MICAL2: variants seen among roughly 807,000 people sequenced by gnomAD.
The protein encoded by MICAL2 is microtubule associated monooxygenase, calponin and LIM domain containing 2, also known as [F-actin]-monooxygenase MICAL2.
MICAL2 carries 77 observed loss-of-function variants against 127.3 expected under a neutral mutation model. The ratio of observed to expected loss-of-function variants is 0.60; its 90% CI spans 0.50 to 0.73. The LOEUF (loss-of-function observed/expected upper bound fraction) is 0.73. Among genes scored for constraint, MICAL2 ranks in the 30% least tolerant of loss-of-function variants. The probability of loss-of-function intolerance (pLI) is 0.00; values close to 1 mark genes in which losing one functional copy is unlikely to be tolerated. For missense variants in MICAL2, 1,351 were observed against 1,434.4 expected, an observed-to-expected ratio of 0.94 and a Z score of 0.94; for synonymous variants, 570 against 551.1, an observed-to-expected ratio of 1.03 and a Z score of -0.48.
intron 17 of MICAL2, among the ~76,000 whole-genome samples, chr11:12,240,004 G>T (rs17388866): frequency 0.018 from 2,798 of 152,316 alleles, 35 homozygotes; most frequent in Non-Finnish European, 0.029. Context: ...CAGTTTTGAG[G>T]TGATACAGTT....
chr11:12,168,275 A>T (rs781590766), intron 3 of MICAL2, among the ~76,000 whole-genome samples: 59 of 151,574 alleles, frequency 3.9e-4, no homozygotes, highest in Admixed American at 7.2e-4. Flanking sequence ...CATATACACC[A>T]CACACATACA....
At chr11:12,229,806 TG>T (rs1857973452) in intron 15 of MICAL2, among the ~76,000 whole-genome samples, 2 of 152,250 alleles carry the variant, frequency 1.3e-5, no homozygotes, top group East Asian at 3.8e-4. Context: ...AGCCCAATTC[TG>T]GCCCCTTTTG....
At chr11:12,162,442 T>A in intron 3 of MICAL2, 23 bp downstream of exon 3, 1 of 1,611,800 alleles carries the variant, frequency 6.2e-7, no homozygotes, top group Non-Finnish European at 8.5e-7. Context: ...CCTCCTAGTC[T>A]TACCTTTGCA....
chr11:12,218,627 G>A (rs568360601), intron 8 of MICAL2, among the ~76,000 whole-genome samples: 15 of 152,158 alleles, frequency 9.9e-5, no homozygotes, highest in South Asian at 2.1e-4. Context: ...TCATGTGACC[G>A]CGGAAACAGG....
At chr11:12,161,421 G>C (rs1854774690) in intron 2 of MICAL2, 1 of 152,264 alleles carries the variant, frequency 6.6e-6, no homozygotes, top group African/African-American at 2.4e-5. Context: ...GTCTCTGTCT[G>C]TCTGTCTGTG....
At chr11:12,115,757 T>C (rs939644754) in intron 1 of MICAL2, among the ~76,000 whole-genome samples, 1 of 152,228 alleles carries the variant, frequency 6.6e-6, no homozygotes, top group Admixed American at 6.5e-5. Context: ...AAATATTTTA[T>C]GTTTATAAAG....
Position 12,112,539 on chromosome 11 carries a change from G to A in MICAL2, c.-149+1813G>A, listed in dbSNP as rs182971268. ...CCTTAGGACTGATTCTAGTTTCGTG[G>A]GGCTTTTGGGGGTGGGGGGGCAGGT... On this transcript the variant is annotated intron_variant, in intron 1 of 27. Transcript: ENST00000683283. Among the ~76,000 whole-genome samples, 165 of 151,840 alleles carry A rather than the reference G, an allele frequency of 1.1e-3. 1 individual carries two copies. The highest frequency in any genetic ancestry group is 3.4e-3 in the African/African-American group (141 of 41,382).
At chr11:12,285,692 CA>C (rs1340629725) in intron 2 of MICAL2, among the ~76,000 whole-genome samples, 1 of 152,160 alleles carries the variant, frequency 6.6e-6, no homozygotes, top group Admixed American at 6.5e-5. Flanking sequence ...GGAAAGCCCC[CA>C]GGTAGTAATT....
At position 12,216,338 on chromosome 11, in the gene MICAL2, C is replaced by T. The variant is rs374853377; in HGVS notation, c.948+19C>T. On this transcript the variant is annotated intron_variant, in intron 8 of 27. Coordinates refer to ENST00000683283, the MANE Select transcript of MICAL2 (RefSeq NM_001282663.2). ...CATTAACGTACGTACCTCTTGGCTGCGATTTCCCGACTTCGCGACCTGGGC... is the reference window on the plus strand; with the variant it reads ...CATTAACGTACGTACCTCTTGGCTGTGATTTCCCGACTTCGCGACCTGGGC... 8.2e-6 allele frequency: 13 copies of T among 1,593,090 alleles called. No individual in the cohort carries two copies. Among genetic ancestry groups the T allele is most frequent in the East Asian group, 2.2e-5 (1 of 44,776 alleles).
At chr11:12,280,982 C>A in exon 2 of MICAL2, 1 of 399,146 alleles carries the variant, frequency 2.5e-6, no homozygotes, top group Non-Finnish European at 4.4e-6. Context: ...CCACACAGAA[C>A]CCTGTGAAGA....
intron 15 of MICAL2, among the ~76,000 whole-genome samples, chr11:12,230,324 A>T (rs1858069821): frequency 6.6e-6 from 1 of 152,190 alleles, no homozygotes; most frequent in Non-Finnish European, 1.5e-5. Flanking sequence ...AAATCCATAC[A>T]CAATTACACA....
chr11:12,326,837 C>T (rs566165070), intron 31 of MICAL2, among the ~76,000 whole-genome samples: 6 of 152,320 alleles, frequency 3.9e-5, no homozygotes, highest in South Asian at 2.1e-4. Context: ...CATTATGCCA[C>T]GGCCATAGTT....
chr11:12,245,886 G>A (rs1860670347), intron 21 of MICAL2, among the ~76,000 whole-genome samples: 1 of 152,244 alleles, frequency 6.6e-6, no homozygotes, highest in African/African-American at 2.4e-5. Flanking sequence ...GCAGGATGGT[G>A]GGAGGGGAGA....
intron 32 of MICAL2, among the ~76,000 whole-genome samples, chr11:12,339,989 A>G (rs912731419): frequency 1.3e-5 from 2 of 152,168 alleles, no homozygotes; most frequent in Non-Finnish European, 2.9e-5. Context: ...GGAAATGCAG[A>G]AATCACCCAT....
intron 3 of MICAL2, among the ~76,000 whole-genome samples, chr11:12,171,571 G>A (rs553436360): frequency 1.3e-5 from 2 of 152,340 alleles, no homozygotes; most frequent in East Asian, 1.9e-4. Flanking sequence ...TCAGCCTCCT[G>A]CCACAGGGAA....
Position 12,348,573 on chromosome 11 carries a change from GA to G in MICAL2, c.5516-1261del, listed in dbSNP as rs541620421. Among the ~76,000 whole-genome samples the G allele has an allele frequency of 8.9e-3, 1,355 of 152,318 alleles. 10 individuals carry two copies. Among genetic ancestry groups the G allele is most frequent in the Non-Finnish European group, 0.015 (1,021 of 68,036 alleles). ...AACAAGGTGGTCCAGGAGACACAGA[GA>G]AAAGGGAACTAATTTTTATGGATTT... On this transcript the variant is annotated intron_variant, in intron 32 of 34. Transcript: ENST00000646065.
In MICAL2 at chr11:12,261,710, A is replaced by G. The variant is rs1057505523; in HGVS notation, c.3335-770A>G. 6.1e-6 allele frequency: 6 copies of G among 985,284 alleles called. No individual in the cohort carries two copies. In the South Asian group the frequency reaches 1.4e-4, roughly 23 times the overall value. 61.0% of individuals were successfully genotyped at this position (985,284 alleles called of 1,614,324 possible). ...CGGGAAGAAGGAGGTGCATTTCTAC[A>G]AACACTTCCCTGAAATCCTTGGGAA... On this transcript the variant is annotated intron_variant, in intron 26 of 27. Transcript: ENST00000683283.
At chr11:12,324,937 C>A (rs1387629499) in intron 31 of MICAL2, among the ~76,000 whole-genome samples, 7 of 152,126 alleles carry the variant, frequency 4.6e-5, no homozygotes, top group Admixed American at 4.6e-4. Flanking sequence ...CTTCCAAGAA[C>A]AAGACAAGTC....
At chr11:12,161,944 G>C (rs1854855551) in intron 2 of MICAL2, 135 bp from the exon 3 acceptor site, 1 of 617,048 alleles carries the variant, frequency 1.6e-6, no homozygotes, top group East Asian at 2.8e-5. Flanking sequence ...AAATATTTAT[G>C]TTTAGTATTG....
Sources: gnomAD v4.1 joint callset for allele counts (sites outside exome capture counted in the v4.1 genomes callset) on GRCh38, gnomAD v4.1.1 for gene constraint, MANE v1.5 for transcripts, NCBI Gene and HGNC (gene_info 2026-07-23, HGNC 2026-07-21) for gene names.